The following RCAN2 variants were observed in gnomAD, a reference collection of about 807,000 sequenced individuals.
The protein encoded by RCAN2 is regulator of calcineurin 2, also known as calcipressin-2.
RCAN2 carries 9 observed loss-of-function variants against 23.6 expected under a neutral mutation model. That is an observed-to-expected ratio of 0.38 (90% CI 0.23 to 0.67). RCAN2 has a LOEUF of 0.67. RCAN2 is among the 30% of genes least tolerant of loss of function. The pLI, the probability that RCAN2 is intolerant of heterozygous loss-of-function variation, is 0.51. For missense variants in RCAN2, 273 were observed against 302.3 expected (o/e 0.90, Z 0.72); for synonymous variants, 109 against 115.7 (o/e 0.94, Z 0.37).
intron 2 of RCAN2, among the ~76,000 whole-genome samples, chr6:46,302,654 A>C (rs1762938496): frequency 6.6e-6 from 1 of 152,222 alleles, no homozygotes; most frequent in Admixed American, 6.5e-5. Flanking sequence ...GAAATTAAGA[A>C]GTAATTTTTA....
At chr6:46,417,400 C>T (rs898286076) in intron 2 of RCAN2, among the ~76,000 whole-genome samples, 6 of 152,072 alleles carry the variant, frequency 3.9e-5, no homozygotes, top group Non-Finnish European at 5.9e-5. Context: ...GTTTCTAAGC[C>T]TCCTGATTAA....
At chr6:46,471,394 A>C (rs1768555095) in intron 1 of RCAN2, among the ~76,000 whole-genome samples, 1 of 152,218 alleles carries the variant, frequency 6.6e-6, no homozygotes, top group African/African-American at 2.4e-5. Flanking sequence ...GTAGAAACAG[A>C]ATCAGTAGGA....
At chr6:46,235,497 A>C (rs1230403998) in intron 4 of RCAN2, among the ~76,000 whole-genome samples, 1 of 152,162 alleles carries the variant, frequency 6.6e-6, no homozygotes, top group Non-Finnish European at 1.5e-5. Context: ...GCCTGATCTC[A>C]CACATGCATC....
At chr6:46,338,945 G>T (rs1340905217) in intron 2 of RCAN2, among the ~76,000 whole-genome samples, 6 of 120,264 alleles carry the variant, frequency 5.0e-5, no homozygotes, top group Non-Finnish European at 8.0e-5. Flanking sequence ...AACCCAGGAG[G>T]TGGAGGTTGC....
At chr6:46,288,836 A>T (rs116245853) in intron 2 of RCAN2, among the ~76,000 whole-genome samples, 1,858 of 152,382 alleles carry the variant, frequency 0.012, 39 homozygotes, top group African/African-American at 0.039. Context: ...TGAAAGTTCC[A>T]TGAGGTCAGA....
intron 2 of RCAN2, among the ~76,000 whole-genome samples, chr6:46,283,124 A>G (rs1314989175): frequency 6.6e-6 from 1 of 152,178 alleles, no homozygotes; most frequent in Admixed American, 6.5e-5. Flanking sequence ...GCAGCACTGC[A>G]GGGCCCCTGG....
At chr6:46,458,353 C>T (rs1768106382) in intron 1 of RCAN2, among the ~76,000 whole-genome samples, 1 of 152,046 alleles carries the variant, frequency 6.6e-6, no homozygotes, top group African/African-American at 2.4e-5. Context: ...TAGAAAAGCC[C>T]CAATGAGAGT....
chr6:46,366,145 T>C (rs766321703), intron 2 of RCAN2, among the ~76,000 whole-genome samples: 1 of 152,198 alleles, frequency 6.6e-6, no homozygotes, highest in African/African-American at 2.4e-5. Flanking sequence ...CCAGAACCAA[T>C]ACAGCGTGGT....
At chr6:46,271,699 A>C (rs1354811682) in intron 2 of RCAN2, among the ~76,000 whole-genome samples, 1 of 152,212 alleles carries the variant, frequency 6.6e-6, no homozygotes, top group Non-Finnish European at 1.5e-5. Context: ...TGCTCAGTAA[A>C]TGTTGGTTTC....
At chr6:46,283,401 C>T (rs1017626140) in intron 2 of RCAN2, among the ~76,000 whole-genome samples, 3 of 152,232 alleles carry the variant, frequency 2.0e-5, no homozygotes, top group African/African-American at 7.2e-5. Flanking sequence ...TGTGATTGTA[C>T]CACTATACTC....
intron 2 of RCAN2, among the ~76,000 whole-genome samples, chr6:46,423,452 CCTT>C (rs1458261594): frequency 6.6e-6 from 1 of 152,184 alleles, no homozygotes; most frequent in Non-Finnish European, 1.5e-5. Context: ...TATTTCTCCT[CCTT>C]CTTGAAGGTT....
chr6:46,473,182 C>T (rs1582231245), intron 1 of RCAN2, among the ~76,000 whole-genome samples: 1 of 152,148 alleles, frequency 6.6e-6, no homozygotes, highest in Admixed American at 6.5e-5. Flanking sequence ...TATGTGGTCT[C>T]TTATTAATTT....
intron 2 of RCAN2, among the ~76,000 whole-genome samples, chr6:46,424,453 T>C (rs1220527001): frequency 6.6e-6 from 1 of 152,182 alleles, no homozygotes; most frequent in Non-Finnish European, 1.5e-5. Flanking sequence ...GTGACCTGCC[T>C]TTGTCATGGA....
At chr6:46,444,023 G>A (rs1382789877) in intron 2 of RCAN2, among the ~76,000 whole-genome samples, 1 of 152,262 alleles carries the variant, frequency 6.6e-6, no homozygotes, top group East Asian at 1.9e-4. Context: ...AATATTGATT[G>A]AGCACCTACT....
intron 1 of RCAN2, among the ~76,000 whole-genome samples, chr6:46,460,864 C>A (rs1045365199): frequency 2.0e-5 from 3 of 152,162 alleles, no homozygotes; most frequent in African/African-American, 7.2e-5. Flanking sequence ...TATACTATTT[C>A]AAATGTCTAC....
At chr6:46,380,403 G>A (rs1219034701) in intron 2 of RCAN2, among the ~76,000 whole-genome samples, 2 of 152,168 alleles carry the variant, frequency 1.3e-5, no homozygotes, top group African/African-American at 4.8e-5. Flanking sequence ...GCAGATAAGG[G>A]ATTGATTACC....
chr6:46,387,505 C>T (rs1765789880), intron 2 of RCAN2, among the ~76,000 whole-genome samples: 1 of 152,174 alleles, frequency 6.6e-6, no homozygotes, highest in African/African-American at 2.4e-5. Context: ...TGAAAAAATG[C>T]TCATCACCAC....
chr6:46,292,976 T>A (rs954014153), intron 2 of RCAN2, among the ~76,000 whole-genome samples: 4 of 152,204 alleles, frequency 2.6e-5, no homozygotes, highest in African/African-American at 7.2e-5. Context: ...ATGCAGTGTT[T>A]GGTTTTCTGT....
intron 2 of RCAN2, among the ~76,000 whole-genome samples, chr6:46,431,199 T>C (rs1186286403): frequency 6.7e-6 from 1 of 149,906 alleles, no homozygotes; most frequent in Non-Finnish European, 1.5e-5. Flanking sequence ...AGATTTGTAT[T>C]TTTAAAAAAA....
Sources: allele counts gnomAD v4.1 joint callset (sites outside exome capture counted in the v4.1 genomes callset), GRCh38; gene constraint gnomAD v4.1.1; transcripts MANE v1.5; gene names NCBI Gene and HGNC (gene_info 2026-07-23, HGNC 2026-07-21).